MEF2A: variants seen among roughly 807,000 people sequenced by gnomAD.
MEF2A encodes myocyte enhancer factor 2A.
A neutral mutation model predicts 55.8 loss-of-function variants in MEF2A; 28 were observed. That is an observed-to-expected ratio of 0.50 (90% CI 0.37 to 0.69). The LOEUF is 0.69. Among genes scored for constraint, MEF2A ranks in the 30% least tolerant of loss-of-function variants. MEF2A has a pLI of 0.00. For synonymous variants in MEF2A, 239 were observed against 227.1 expected (o/e 1.05, Z -0.47); for missense variants, 528 against 626.2 (o/e 0.84, Z 1.67).
At chr15:99,700,929 G>C (rs1017115987) in intron 8 of MEF2A, among the ~76,000 whole-genome samples, 2 of 151,262 alleles carry the variant, frequency 1.3e-5, no homozygotes, top group African/African-American at 4.8e-5. Flanking sequence ...GGGAAAAAGG[G>C]ACAACTCTTC....
At chr15:99,571,556 C>T (rs1962309454) in intron 1 of MEF2A, among the ~76,000 whole-genome samples, 1 of 152,138 alleles carries the variant, frequency 6.6e-6, no homozygotes, top group African/African-American at 2.4e-5. Flanking sequence ...CTAGTCAAAG[C>T]CAGCTATTAG....
intron 4 of MEF2A, among the ~76,000 whole-genome samples, chr15:99,654,472 A>G (rs1479004757): frequency 6.6e-6 from 1 of 152,030 alleles, no homozygotes; most frequent in Non-Finnish European, 1.5e-5. Context: ...GATGCAGGCA[A>G]CAGAAGACCT....
At chr15:99,595,875 A>G (rs1970993660) in intron 1 of MEF2A, among the ~76,000 whole-genome samples, 1 of 152,208 alleles carries the variant, frequency 6.6e-6, no homozygotes, top group Non-Finnish European at 1.5e-5. Flanking sequence ...GTCTAGGTTA[A>G]CAGTGTGTGT....
Position 99,676,117 on chromosome 15 carries a change from ATAT to A in MEF2A, c.670+665_670+667del, listed in dbSNP as rs199902037. ...AAGAAATAAACAAACATCAATAAAG[ATAT>A]TATTAAGACAAGTTACAAAATATTT... On this transcript the variant is annotated intron_variant, in intron 7 of 11. Coordinates refer to ENST00000557942, the MANE Select transcript of MEF2A (RefSeq NM_001319206.4). Among the ~76,000 whole-genome samples, 1,390 of 152,294 alleles carry A rather than the reference ATAT, an allele frequency of 9.1e-3. 11 individuals are homozygous for A. The highest frequency in any genetic ancestry group is 0.016 in the South Asian group (78 of 4,820).
At chr15:99,708,873 C>A (rs535367093) in intron 10 of MEF2A, among the ~76,000 whole-genome samples, 1 of 151,980 alleles carries the variant, frequency 6.6e-6, no homozygotes, top group African/African-American at 2.4e-5. Context: ...TAGGAGTTTG[C>A]GGGCGGGACG....
chr15:99,686,473 T>C lies in MEF2A; in HGVS notation c.671-3768T>C, dbSNP rs534117268. On this transcript the variant is annotated intron_variant, in intron 7 of 11. Coordinates refer to ENST00000557942, the MANE Select transcript of MEF2A (RefSeq NM_001319206.4). The stretch of plus-strand genomic sequence containing the variant: ...AAAAAGACTCTCTCTTCTTCATTCA[T>C]GAAGGTTAGTTTTGCTGGGTACAGA... Among the ~76,000 whole-genome samples, 3 of 152,366 alleles carry C rather than the reference T, an allele frequency of 2.0e-5. No individual in the cohort carries two copies. In the South Asian group the frequency reaches 6.2e-4, roughly 32 times the overall value.
intron 2 of MEF2A, among the ~76,000 whole-genome samples, chr15:99,629,162 C>T (rs1022251325): frequency 2.0e-5 from 3 of 152,046 alleles, no homozygotes; most frequent in East Asian, 1.9e-4. Context: ...TGGCTGAACG[C>T]GGTGGCTCAT....
At chr15:99,637,031 G>A (rs865916864) in intron 3 of MEF2A, among the ~76,000 whole-genome samples, 19 of 151,434 alleles carry the variant, frequency 1.3e-4, no homozygotes, top group Admixed American at 1.3e-4. Flanking sequence ...TCTCTGTTTT[G>A]TTCCATTTGA....
chr15:99,678,907 TAAGAAA>T (rs2052656342), intron 7 of MEF2A: 1 of 153,310 alleles, frequency 6.5e-6, no homozygotes, highest in African/African-American at 2.4e-5. Context: ...TACAAATCAG[TAAGAAA>T]AAGAAAACTC....
At chr15:99,663,914 G>A (rs2049111416) in intron 4 of MEF2A, among the ~76,000 whole-genome samples, 1 of 152,066 alleles carries the variant, frequency 6.6e-6, no homozygotes, top group South Asian at 2.1e-4. Context: ...AGATGTACAG[G>A]GTCAGCCAAG....
rs757600742 is a variant in MEF2A at position 99,645,784 on chromosome 15, AC to A, written c.258+21del. On this transcript the variant is annotated intron_variant, in intron 4 of 11. Coordinates refer to ENST00000557942, the MANE Select transcript of MEF2A (RefSeq NM_001319206.4). ...GTTGAGGTAACACATATCTAGTAAT[AC>A]GTGAATTGCAAGTAATACTGAAATA... The A allele has an allele frequency of 1.6e-5, 24 of 1,515,462 alleles. No individual in the cohort carries two copies. The South Asian group carries it at 2.9e-4, about 18-fold the overall frequency. The allele number at this position is 1,515,462 out of a possible 1,614,324, so 93.9% of individuals were successfully genotyped here. A position where few individuals can be genotyped will look rare whatever the true frequency, so the allele number is the denominator to read the frequency against.
rs889473092 is a variant in MEF2A, at chr15:99,696,407, C to A, written c.858+5979C>A. On this transcript the variant is annotated intron_variant, in intron 8 of 11. Transcript: ENST00000557942. ...GAATTGAAATCAGGCATATTATATT[C>A]TCTGGCCATAAGGAAATCAAACTAG... 2.6e-5 allele frequency among the ~76,000 whole-genome samples: 4 copies of A among 152,124 alleles called. No homozygotes were observed. The South Asian group carries it at 8.3e-4, about 32-fold the overall frequency.
chr15:99,567,350 A>T (rs150688275), intron 1 of MEF2A, among the ~76,000 whole-genome samples: 1 of 152,266 alleles, frequency 6.6e-6, no homozygotes, highest in Non-Finnish European at 1.5e-5. Context: ...ATCATCTATT[A>T]CTATATGAAG....
At chr15:99,674,036 G>C (rs2051409299) in intron 5 of MEF2A, among the ~76,000 whole-genome samples, 1 of 152,070 alleles carries the variant, frequency 6.6e-6, no homozygotes, top group South Asian at 2.1e-4. Context: ...TTACATTGAA[G>C]TGCCAATTTA....
intron 9 of MEF2A, among the ~76,000 whole-genome samples, chr15:99,705,978 ATGAC>A (rs2153809343): frequency 6.6e-6 from 1 of 152,364 alleles, no homozygotes; most frequent in Admixed American, 6.5e-5. Flanking sequence ...GTTAAGGACA[ATGAC>A]TGTCTTAGAC....
rs146891523 is a variant in MEF2A at position 99,715,147 on chromosome 15, T to G, written c.*2376T>G. 2 of 152,238 alleles carry G rather than the reference T, an allele frequency of 1.3e-5. No homozygotes were observed. The highest frequency in any genetic ancestry group is 6.5e-5 in the Admixed American group (1 of 15,288). 9.4% of individuals were successfully genotyped at this position (152,238 alleles called of 1,614,324 possible). A position where few individuals can be genotyped will look rare whatever the true frequency, so the allele number is the denominator to read the frequency against. On this transcript the variant is annotated 3_prime_UTR_variant, in exon 12 of 12. Transcript: ENST00000557942. ...CACACCTAATCCAAACAAGACAGTCTCCCAACACTGAAGTTCCAAAATAAT... is the reference window on the plus strand; with the variant it reads ...CACACCTAATCCAAACAAGACAGTCGCCCAACACTGAAGTTCCAAAATAAT...
At chr15:99,628,129 T>C (rs901707306) in intron 2 of MEF2A, among the ~76,000 whole-genome samples, 6 of 152,198 alleles carry the variant, frequency 3.9e-5, no homozygotes, top group Admixed American at 3.3e-4. Flanking sequence ...TACACTCAGA[T>C]TTAGAACTGA....
rs572962323 is a variant in MEF2A at position 99,671,396 on chromosome 15, C to T, written c.332C>T (p.Ser111Leu). 96 of 1,613,804 alleles carry T rather than the reference C, an allele frequency of 5.9e-5. No homozygotes were observed. The South Asian group carries it at 8.2e-4, about 14-fold the overall frequency. Reference sequence around the variant, plus strand: ...GATTACTTTGAGCACAGTCCACTCTCGGAGGACAGATTCAGCAAACTAAAT... The same window carrying T: ...GATTACTTTGAGCACAGTCCACTCTTGGAGGACAGATTCAGCAAACTAAAT... Reference protein sequence around the residue: ...ADDYFEHSPLSEDRFSKLNED... With the variant: ...ADDYFEHSPLLEDRFSKLNED... The change falls in exon 5 of 12, where the codon TCG (serine) becomes TTG (leucine). Residue 111 changes from serine (S) to leucine (L), a missense_variant. Around this residue, in one of 2 missense-constraint regions of MEF2A, gnomAD observed 78 missense variants for 150.9 expected, o/e 0.52. Coordinates refer to ENST00000557942, the MANE Select transcript of MEF2A (RefSeq NM_001319206.4).
intron 3 of MEF2A, among the ~76,000 whole-genome samples, chr15:99,644,591 C>T (rs1029779910): frequency 2.6e-5 from 4 of 152,172 alleles, no homozygotes; most frequent in African/African-American, 4.8e-5. Flanking sequence ...GGAAGAAAAT[C>T]GTATGATAGG....
Sources: allele counts gnomAD v4.1 joint callset (sites outside exome capture counted in the v4.1 genomes callset), GRCh38; gene constraint gnomAD v4.1.1; regional missense constraint gnomAD v4.1.1; transcripts MANE v1.5; gene names NCBI Gene and HGNC (gene_info 2026-07-23, HGNC 2026-07-21).